The following CALD1 variants were observed in gnomAD, a reference collection of about 807,000 sequenced individuals.
CALD1 encodes caldesmon 1.
Under a neutral mutation model 99.9 loss-of-function variants are expected in CALD1, and 33 were observed. The observed-to-expected ratio is 0.33, with a 90% CI of 0.25 to 0.44. The LOEUF is 0.44. Among genes scored for constraint, CALD1 ranks in the 20% least tolerant of loss-of-function variants. The probability of loss-of-function intolerance (pLI) is 1.00; values close to 1 mark genes in which losing one functional copy is unlikely to be tolerated. For missense variants in CALD1, 861 were observed against 962.1 expected (o/e 0.89, Z 1.39); for synonymous variants, 310 against 325.0 (o/e 0.95, Z 0.50).
At chr7:134,793,819 A>ATT (rs77046504) in intron 1 of CALD1, among the ~76,000 whole-genome samples, 187 of 141,168 alleles carry the variant, frequency 1.3e-3, no homozygotes, top group African/African-American at 4.4e-3. Flanking sequence ...TTTATGTACC[A>ATT]TTTTTTTTTT....
chr7:134,933,309 T>C lies in CALD1; in HGVS notation c.540T>C (p.Ala180=). The stretch of plus-strand genomic sequence containing the variant: ...ACCAGAAGAATGATTGGAGGGATGC[T>C]GAAGAAAACAAGAAAGAAGACAAGG... ...KSYQKNDWRD[A]EENKKEDKEK... is the part of the protein sequence containing the mutation. Residue 180 remains alanine (A), a synonymous_variant, in exon 5 of 15, where the codon GCT becomes GCC. Transcript: ENST00000361675. The C allele has an allele frequency of 6.2e-7, 1 of 1,600,188 alleles. No homozygotes were observed. Among genetic ancestry groups the C allele is most frequent in the Non-Finnish European group, 8.5e-7 (1 of 1,174,618 alleles).
At chr7:134,733,945 G>C in the CALD1 span, among the ~76,000 whole-genome samples, 22 of 150,884 alleles carry the variant, frequency 1.5e-4, 1 homozygote, top group East Asian at 4.3e-3. Context: ...AACTTATATA[G>C]TATAAATTTG....
chr7:134,879,286 GT>G (rs1392822637), intron 3 of CALD1, among the ~76,000 whole-genome samples: 15 of 152,222 alleles, frequency 9.9e-5, no homozygotes, highest in African/African-American at 2.9e-4. Context: ...TCATTCATCT[GT>G]GAATCAGGTT....
chr7:134,729,557 G>A, the CALD1 span, among the ~76,000 whole-genome samples: 1 of 152,194 alleles, frequency 6.6e-6, no homozygotes, highest in African/African-American at 2.4e-5. Flanking sequence ...GCCTGTGAGG[G>A]GACACACAAG....
At chr7:134,755,811 T>G (rs1796722467) in intron 1 of CALD1, among the ~76,000 whole-genome samples, 1 of 152,252 alleles carries the variant, frequency 6.6e-6, no homozygotes, top group Non-Finnish European at 1.5e-5. Context: ...CTTCTGAGTC[T>G]TGTTTAAGAT....
chr7:134,803,154 A>AT (rs1190484886), intron 1 of CALD1, among the ~76,000 whole-genome samples: 2 of 152,174 alleles, frequency 1.3e-5, no homozygotes, highest in African/African-American at 4.8e-5. Context: ...TATTCGGCAT[A>AT]TTTTTTGTTC....
At chr7:134,767,195 CTG>C (rs34026828) in intron 1 of CALD1, among the ~76,000 whole-genome samples, 34,581 of 148,610 alleles carry the variant, frequency 0.23, 3,999 homozygotes, top group East Asian at 0.26. Context: ...CTCTCTGTCT[CTG>C]TGTGTGTGTG....
At chr7:134,735,926 C>T in the CALD1 span, among the ~76,000 whole-genome samples, 23 of 152,148 alleles carry the variant, frequency 1.5e-4, no homozygotes, top group Non-Finnish European at 2.2e-4. Context: ...CACTGCATAA[C>T]GACAATATTA....
chr7:134,766,835 A>G (rs1332928953), intron 1 of CALD1, among the ~76,000 whole-genome samples: 6 of 152,140 alleles, frequency 3.9e-5, no homozygotes, highest in African/African-American at 1.2e-4. Flanking sequence ...TGGCGGGCAG[A>G]CAGGGAGGGA....
intron 11 of CALD1, among the ~76,000 whole-genome samples, chr7:134,959,142 GCTGA>G (rs919960355): frequency 1.3e-5 from 2 of 151,614 alleles, no homozygotes; most frequent in East Asian, 1.9e-4. Flanking sequence ...GCCCACTGCA[GCTGA>G]CTGTCTTGTT....
intron 4 of CALD1, among the ~76,000 whole-genome samples, chr7:134,931,147 A>T (rs1805494058): frequency 6.6e-6 from 1 of 151,988 alleles, no homozygotes; most frequent in Admixed American, 6.6e-5. Flanking sequence ...TTTATCTCTG[A>T]CATATTAGTT....
the CALD1 span, among the ~76,000 whole-genome samples, chr7:134,719,672 G>T: frequency 1.3e-5 from 2 of 152,102 alleles, no homozygotes; most frequent in African/African-American, 4.8e-5. Flanking sequence ...TGTCCGATAT[G>T]TGTTTGTCCA....
intron 1 of CALD1, among the ~76,000 whole-genome samples, chr7:134,839,486 A>G (rs757621246): frequency 3.9e-5 from 6 of 152,124 alleles, no homozygotes; most frequent in Non-Finnish European, 2.9e-5. Flanking sequence ...CATGCTGCCA[A>G]ATCTTTTTCC....
At chr7:134,860,604 C>T (rs1349426506) in intron 2 of CALD1, among the ~76,000 whole-genome samples, 2 of 152,170 alleles carry the variant, frequency 1.3e-5, no homozygotes, top group Non-Finnish European at 2.9e-5. Flanking sequence ...TGAGTGCCTA[C>T]TCTGTCTCAA....
chr7:134,848,615 A>G (rs1212563183), intron 2 of CALD1, among the ~76,000 whole-genome samples: 1 of 152,162 alleles, frequency 6.6e-6, no homozygotes, highest in Non-Finnish European at 1.5e-5. Context: ...GAATGCAAAC[A>G]TACTGCATTC....
intron 3 of CALD1, among the ~76,000 whole-genome samples, chr7:134,868,483 G>A (rs888957089): frequency 4.6e-5 from 7 of 152,128 alleles, no homozygotes; most frequent in African/African-American, 1.2e-4. Context: ...TATTTGATGC[G>A]ACTTAAATCA....
chr7:134,947,548 G>A lies in CALD1; in HGVS notation c.1573G>A (p.Glu525Lys), dbSNP rs769164168. The A allele has an allele frequency of 1.5e-5, 24 of 1,564,718 alleles. No individual in the cohort carries two copies. In the South Asian group the frequency reaches 2.5e-4, roughly 16 times the overall value. ...GRASVDTKEA[E>K]GAPQVEAGKR... ...GGCCAGCGTGGACACCAAGGAGGCT[G>A]AGGGCGCCCCCCAGGTGGAAGCCGG... Residue 525 changes from glutamate (E) to lysine (K), a missense_variant, in exon 8 of 15, where the codon GAG becomes AAG. By Grantham distance (56) the Glu-to-Lys change is moderately conservative. Around this residue, in one of 5 missense-constraint regions of CALD1, gnomAD observed 293 missense variants for 262.7 expected, o/e 1.12. Coordinates refer to ENST00000361675, the MANE Select transcript of CALD1 (RefSeq NM_033138.4).
intron 3 of CALD1, among the ~76,000 whole-genome samples, chr7:134,882,380 A>C (rs1801646428): frequency 1.3e-5 from 2 of 152,224 alleles, no homozygotes; most frequent in South Asian, 4.1e-4. Context: ...GGACCTTTAC[A>C]ACATAGAATT....
intron 7 of CALD1, among the ~76,000 whole-genome samples, chr7:134,942,395 C>T (rs1002236062): frequency 9.2e-5 from 14 of 152,016 alleles, no homozygotes; most frequent in East Asian, 3.9e-4. Context: ...TTTTTTTGTA[C>T]GTAAATTTAA....
Sources: gnomAD v4.1 joint callset for allele counts (sites outside exome capture counted in the v4.1 genomes callset) on GRCh38, gnomAD v4.1.1 for gene constraint, gnomAD v4.1.1 regional missense constraint, MANE v1.5 for transcripts, NCBI Gene and HGNC (gene_info 2026-07-23, HGNC 2026-07-21) for gene names.